The following NEBL variants were observed in gnomAD, a reference collection of about 807,000 sequenced individuals.
The protein encoded by NEBL is nebulette.
Under a neutral mutation model 140.2 loss-of-function variants are expected in NEBL, and 122 were observed. That is an observed-to-expected ratio of 0.87 (90% confidence interval 0.75 to 1.01). The LOEUF is 1.01. NEBL is among the 50% of genes least tolerant of loss of function. The probability of loss-of-function intolerance (pLI) is 0.00; values close to 1 mark genes in which losing one functional copy is unlikely to be tolerated. For missense variants in NEBL, 1,365 were observed against 1,231.3 expected, an observed-to-expected ratio of 1.11 and a Z score of -1.62; for synonymous variants, 436 against 398.9, an observed-to-expected ratio of 1.09 and a Z score of -1.11.
At chr10:20,955,097 C>A (rs371339328) in intron 4 of NEBL, among the ~76,000 whole-genome samples, 2 of 152,294 alleles carry the variant, frequency 1.3e-5, no homozygotes, top group Non-Finnish European at 2.9e-5. Context: ...TAGCCCAAGT[C>A]AAGAGACTAT....
At chr10:20,804,652 A>AAGCCCTAG (rs1232316944) in intron 26 of NEBL, 1 of 152,196 alleles carries the variant, frequency 6.6e-6, no homozygotes, top group South Asian at 2.1e-4. Flanking sequence ...CTGGGGGAAC[A>AAGCCCTAG]GTGTGTGCAA....
intron 3 of NEBL, among the ~76,000 whole-genome samples, chr10:21,214,984 T>A (rs1044439780): frequency 6.6e-6 from 1 of 152,122 alleles, no homozygotes; most frequent in Admixed American, 6.5e-5. Context: ...TGTGAAGCCC[T>A]CCCTGTGCCA....
intron 2 of NEBL, among the ~76,000 whole-genome samples, chr10:21,129,121 T>C (rs536347): frequency 1.3e-5 from 2 of 152,190 alleles, no homozygotes; most frequent in African/African-American, 4.8e-5. Flanking sequence ...AAGGAATTTG[T>C]TGCCAATACA....
chr10:20,951,638 T>C (rs1835470636), intron 4 of NEBL, among the ~76,000 whole-genome samples: 1 of 152,186 alleles, frequency 6.6e-6, no homozygotes, highest in Non-Finnish European at 1.5e-5. Flanking sequence ...CAACTATTAC[T>C]CTTAAGAACT....
At chr10:21,260,849 A>G (rs1249311319) in intron 1 of NEBL, among the ~76,000 whole-genome samples, 3 of 152,224 alleles carry the variant, frequency 2.0e-5, no homozygotes, top group Non-Finnish European at 4.4e-5. Context: ...GATTCTTCCA[A>G]AAGCTCAACA....
At position 20,823,241 on chromosome 10, in the gene NEBL, CT is replaced by C. The variant is rs754334553; in HGVS notation, c.1928del (p.Lys643ArgfsTer25). 4 of 1,609,624 alleles carry C rather than the reference CT, an allele frequency of 2.5e-6. No individual in the cohort carries two copies. The African/African-American group carries it at 4.0e-5, about 16-fold the overall frequency. ...ATAISDPPEL[K>X]RVKENQKNIS... ...TGTTCTTCTGGTTTTCTTTAACTCT[CT>C]TTAGTTCTGGAGGATCAGAAATGGC... On this transcript the variant is annotated frameshift_variant, in exon 19 of 28. Coordinates refer to ENST00000377122, the MANE Select transcript of NEBL (RefSeq NM_006393.3). LOFTEE classifies it high-confidence loss of function.
At chr10:21,165,148 C>T (rs939690940) in intron 2 of NEBL, among the ~76,000 whole-genome samples, 5 of 152,198 alleles carry the variant, frequency 3.3e-5, no homozygotes, top group Non-Finnish European at 5.9e-5. Context: ...AACATTTCCC[C>T]ATTTAATCTC....
At chr10:21,128,831 A>G (rs562757605) in intron 2 of NEBL, among the ~76,000 whole-genome samples, 7 of 152,350 alleles carry the variant, frequency 4.6e-5, no homozygotes, top group African/African-American at 1.7e-4. Flanking sequence ...ATGGTCCTCA[A>G]ACTCCCACTT....
intron 1 of NEBL, among the ~76,000 whole-genome samples, chr10:21,274,946 G>A (rs948303770): frequency 4.6e-5 from 7 of 152,108 alleles, no homozygotes; most frequent in Non-Finnish European, 1.0e-4. Flanking sequence ...CTGAGGAGAA[G>A]GAAGAGGAGG....
At chr10:21,210,246 T>C (rs1841894613) in intron 3 of NEBL, among the ~76,000 whole-genome samples, 1 of 151,996 alleles carries the variant, frequency 6.6e-6, no homozygotes, top group Non-Finnish European at 1.5e-5. Flanking sequence ...ACAAAAAACT[T>C]AGCTGGGTGT....
chr10:21,230,691 G>A (rs1341758360), intron 3 of NEBL, among the ~76,000 whole-genome samples: 1 of 147,454 alleles, frequency 6.8e-6, no homozygotes, highest in Non-Finnish European at 1.5e-5. Flanking sequence ...TGCAACCTCC[G>A]CCCCCTGGGT....
chr10:21,027,774 C>T (rs1203007395), intron 2 of NEBL, among the ~76,000 whole-genome samples: 2 of 152,094 alleles, frequency 1.3e-5, no homozygotes, highest in Non-Finnish European at 2.9e-5. Flanking sequence ...CCAAGGAAGT[C>T]ATTTTACCCA....
chr10:20,930,659 A>G (rs1012305992), intron 4 of NEBL, among the ~76,000 whole-genome samples: 29 of 152,092 alleles, frequency 1.9e-4, no homozygotes, highest in African/African-American at 5.3e-4. Flanking sequence ...TCACTGCAGA[A>G]CTTTCCCACT....
chr10:20,992,397 C>A (rs898408155), intron 3 of NEBL, among the ~76,000 whole-genome samples: 4 of 152,118 alleles, frequency 2.6e-5, no homozygotes, highest in Admixed American at 2.6e-4. Context: ...ATTAGATGGA[C>A]CCATAAGAGT....
At chr10:20,940,108 C>T (rs1245660056) in intron 4 of NEBL, among the ~76,000 whole-genome samples, 5 of 152,038 alleles carry the variant, frequency 3.3e-5, no homozygotes, top group Admixed American at 6.5e-5. Flanking sequence ...ACAGAACTCT[C>T]CACCCCAAAT....
intron 3 of NEBL, among the ~76,000 whole-genome samples, chr10:21,210,948 A>G (rs10764310): frequency 0.22 from 33,842 of 152,114 alleles, 6,545 homozygotes; most frequent in African/African-American, 0.53. Flanking sequence ...GGTTGCACCT[A>G]TTGTTTCATG....
At chr10:21,191,089 A>G (rs1213040488) in intron 3 of NEBL, among the ~76,000 whole-genome samples, 1 of 152,216 alleles carries the variant, frequency 6.6e-6, no homozygotes, top group African/African-American at 2.4e-5. Flanking sequence ...GAATAAAGGG[A>G]TACAGTTTCA....
At chr10:20,864,837 C>T (rs1399919573) in intron 7 of NEBL, among the ~76,000 whole-genome samples, 2 of 152,128 alleles carry the variant, frequency 1.3e-5, no homozygotes, top group Non-Finnish European at 2.9e-5. Flanking sequence ...CTGAGTTCAT[C>T]CCAGAATTCC....
intron 3 of NEBL, among the ~76,000 whole-genome samples, chr10:20,997,101 C>A (rs1338777916): frequency 1.3e-5 from 2 of 152,140 alleles, no homozygotes; most frequent in Non-Finnish European, 2.9e-5. Flanking sequence ...TTGGTTTTTA[C>A]TTTACTATCA....
Sources: gnomAD v4.1 joint callset for allele counts (sites outside exome capture counted in the v4.1 genomes callset) on GRCh38, gnomAD v4.1.1 for gene constraint, MANE v1.5 for transcripts, NCBI Gene and HGNC (gene_info 2026-07-23, HGNC 2026-07-21) for gene names.